The following ANKRD52 variants were observed in gnomAD, a reference collection of about 807,000 sequenced individuals.
The protein encoded by ANKRD52 is serine/threonine-protein phosphatase 6 regulatory ankyrin repeat subunit C.
A neutral mutation model predicts 116.0 loss-of-function variants in ANKRD52; 7 were observed. The observed-to-expected ratio is 0.06, with a 90% CI of 0.03 to 0.11. ANKRD52 has a LOEUF of 0.11. Ranked by LOEUF, ANKRD52 falls within the 10% of genes least tolerant of loss-of-function variation. The pLI, the probability that ANKRD52 is intolerant of heterozygous loss-of-function variation, is 1.00. For synonymous variants in ANKRD52, 528 were observed against 578.1 expected, an observed-to-expected ratio of 0.91 and a Z score of 1.24; for missense variants, 839 against 1,408.6, an observed-to-expected ratio of 0.60 and a Z score of 6.47.
rs1483439048 is a variant in ANKRD52 at position 56,254,753 on chromosome 12, G to A, written c.551-33C>T. ...AAGAGAAGACACTCTAAAGGAAGTA[G>A]AAGGTAAACTCTAAGACCCTACACT... On this transcript the variant is annotated intron_variant, in intron 6 of 27. Coordinates refer to ENST00000267116, the MANE Select transcript of ANKRD52 (RefSeq NM_173595.4). This position sits in a 1 kb window ranked among gnomAD's most constrained non-coding sequence, Gnocchi z 4.6. 9.4e-6 allele frequency: 15 copies of A among 1,600,606 alleles called. No homozygotes were observed. The highest frequency in any genetic ancestry group is 1.3e-5 in the Non-Finnish European group (15 of 1,169,404).
rs1050114627 is a variant in ANKRD52, at chr12:56,242,938, T to C, written c.*204A>G. The C allele has an allele frequency of 3.2e-5, 23 of 709,146 alleles. No homozygotes were observed. Among genetic ancestry groups the C allele is most frequent in the Non-Finnish European group, 4.7e-5 (21 of 447,280 alleles). The allele number at this position is 709,146 out of a possible 1,614,324, so 43.9% of individuals were successfully genotyped here. A position where few individuals can be genotyped will look rare whatever the true frequency, so the allele number is the denominator to read the frequency against. Reference sequence around the variant, plus strand: ...GGTCGCCCTGGGGGTACCAAGGGCCTGGGGTGCTCCCTGTCAGTCCCAGAC... The same window carrying C: ...GGTCGCCCTGGGGGTACCAAGGGCCCGGGGTGCTCCCTGTCAGTCCCAGAC... On this transcript the variant is annotated 3_prime_UTR_variant, in exon 28 of 28. Transcript: ENST00000267116. This position sits in a 1 kb window ranked among gnomAD's most constrained non-coding sequence, Gnocchi z 4.3.
Position 56,248,684 on chromosome 12 carries a change from C to A in ANKRD52, c.1704+75G>T. On this transcript the variant is annotated intron_variant, in intron 16 of 27. Transcript: ENST00000267116. This position sits in a 1 kb window ranked among gnomAD's most constrained non-coding sequence, Gnocchi z 5.1. ...GATCCAAAGACCACATTTGATTGAA[C>A]CCTTAGTTTTGGAATCCACAAACCC... The A allele has an allele frequency of 6.7e-7, 1 of 1,494,488 alleles. No homozygotes were observed. Among genetic ancestry groups the A allele is most frequent in the Non-Finnish European group, 9.2e-7 (1 of 1,092,730 alleles). The allele number at this position is 1,494,488 out of a possible 1,614,324, so 92.6% of individuals were successfully genotyped here. A position where few individuals can be genotyped will look rare whatever the true frequency, so the allele number is the denominator to read the frequency against.
chr12:56,255,649 G>T lies in ANKRD52; in HGVS notation c.462+135C>A. On this transcript the variant is annotated intron_variant, in intron 5 of 27. Coordinates refer to ENST00000267116, the MANE Select transcript of ANKRD52 (RefSeq NM_173595.4). This position sits in a 1 kb window ranked among gnomAD's most constrained non-coding sequence, Gnocchi z 4.3. ...AATCTAGTCTGACCATTCATTTAGT[G>T]CTTCAGCTTAAGTGTTTATATAACC... 1.3e-6 allele frequency: 1 copy of T among 745,284 alleles called. No individual in the cohort carries two copies. The highest frequency in any genetic ancestry group is 2.2e-6 in the Non-Finnish European group (1 of 462,002). 46.2% of individuals were successfully genotyped at this position (745,284 alleles called of 1,614,324 possible).
rs1459557033 is a variant in ANKRD52, at chr12:56,255,773, A to T, written c.462+11T>A. On this transcript the variant is annotated intron_variant, in intron 5 of 27. Transcript: ENST00000267116. This position sits in a 1 kb window ranked among gnomAD's most constrained non-coding sequence, Gnocchi z 4.3. ...AAGCCCCAGCTGGGCCTGGATGGGA[A>T]CAGTCCTCACCTCAAGATGCCCACT... The T allele has an allele frequency of 1.3e-6, 2 of 1,554,830 alleles. No homozygotes were observed. Among genetic ancestry groups the T allele is most frequent in the Non-Finnish European group, 1.7e-6 (2 of 1,143,896 alleles).
In ANKRD52 at chr12:56,244,099, T is replaced by C. The variant is rs1276136353; in HGVS notation, c.2840A>G (p.Glu947Gly). 1 of 1,613,872 alleles carries C rather than the reference T, an allele frequency of 6.2e-7. No homozygotes were observed. Among genetic ancestry groups the C allele is most frequent in the East Asian group, 2.2e-5 (1 of 44,894 alleles). The change falls in exon 26 of 28, where the codon GAA becomes GGA. Residue 947 changes from glutamate (E) to glycine (G), a missense_variant. By Grantham distance (98) the Glu-to-Gly change is moderately conservative. This residue lies in a region of ANKRD52 where 552 missense variants were observed against 810.6 expected (regional missense o/e 0.68). Transcript: ENST00000267116. The surrounding 1 kb of genome is among the most constrained non-coding windows in gnomAD (Gnocchi z 4.9). ...ATTGATAAGGCCAAGGTCTTGGGTT[T>C]CTGCCAGGATCATGAGGGCACATTT... Reference protein sequence around the residue: ...HEKCALMILAETQDLGLINAT... With the variant: ...HEKCALMILAGTQDLGLINAT...
rs1329212412 is a variant in ANKRD52 at position 56,257,924 on chromosome 12, C to T, written c.28-13G>A. 6.2e-7 allele frequency: 1 copy of T among 1,611,808 alleles called. No homozygotes were observed. The highest frequency in any genetic ancestry group is 8.5e-7 in the Non-Finnish European group (1 of 1,179,082). ...GGACCAGGGGCGGCTGCAGAGAGAA[C>T]CGGCATTCTGAGAGCGGGCTGGAGC... On this transcript the variant is annotated splice_polypyrimidine_tract_variant and intron_variant, in intron 1 of 27. Coordinates refer to ENST00000267116, the MANE Select transcript of ANKRD52 (RefSeq NM_173595.4).
rs540619414 is a variant in ANKRD52, at chr12:56,244,288, G to T, written c.2805+65C>A. On this transcript the variant is annotated intron_variant, in intron 25 of 27. Transcript: ENST00000267116. The surrounding 1 kb of genome is among the most constrained non-coding windows in gnomAD (Gnocchi z 4.9). ...TTCTGCCCCAGTCCCCTCTGCAACC[G>T]AGACTTACCTCTCTTCATCAAGCTC... 1.3e-6 allele frequency: 2 copies of T among 1,580,272 alleles called. No homozygotes were observed. Among genetic ancestry groups the T allele is most frequent in the Non-Finnish European group, 1.7e-6 (2 of 1,151,144 alleles).
At position 56,253,988 on chromosome 12, in the gene ANKRD52, G is replaced by T; in HGVS notation, c.906+79C>A. The T allele has an allele frequency of 6.8e-7, 1 of 1,462,976 alleles. No individual in the cohort carries two copies. The allele number at this position is 1,462,976 out of a possible 1,614,324, so 90.6% of individuals were successfully genotyped here. On this transcript the variant is annotated intron_variant, in intron 8 of 27. Transcript: ENST00000267116. This position sits in a 1 kb window ranked among gnomAD's most constrained non-coding sequence, Gnocchi z 5.5. ...AGGAAGCAAGTGGATAATTCCCCAA[G>T]AGAGCTATCCAGATACAGTCAGGAC...
At chr12:56,250,396 C>T (rs1322695298) in intron 15 of ANKRD52, among the ~76,000 whole-genome samples, 4 of 147,446 alleles carry the variant, frequency 2.7e-5, no homozygotes, top group Admixed American at 1.4e-4. Context: ...GACGGGGTCT[C>T]ACTAGGCTGC....
chr12:56,257,811 C>A lies in ANKRD52; in HGVS notation c.111+17G>T. ...GCCAGGATTCCGGTCTCGCCATCCT[C>A]CCTGCTCCCAACTCACCAGCACATT... On this transcript the variant is annotated intron_variant, in intron 2 of 27. Transcript: ENST00000267116. 1.2e-6 allele frequency: 2 copies of A among 1,612,820 alleles called. No homozygotes were observed. The highest frequency in any genetic ancestry group is 1.1e-5 in the South Asian group (1 of 90,728).
At position 56,255,335 on chromosome 12, in the gene ANKRD52, C is replaced by A. The variant is rs1054671107; in HGVS notation, c.463-383G>T. The stretch of plus-strand genomic sequence containing the variant: ...TCTCCCGAGTAGCTGGGACTACAGG[C>A]GGCCGCCACCACACCCGGCTAATTT... On this transcript the variant is annotated intron_variant, in intron 5 of 27. Coordinates refer to ENST00000267116, the MANE Select transcript of ANKRD52 (RefSeq NM_173595.4). This position sits in a 1 kb window ranked among gnomAD's most constrained non-coding sequence, Gnocchi z 4.3. Among the ~76,000 whole-genome samples, 1 of 151,972 alleles carries A rather than the reference C, an allele frequency of 6.6e-6. No individual in the cohort carries two copies. The highest frequency in any genetic ancestry group is 6.6e-5 in the Admixed American group (1 of 15,266).
In ANKRD52 at chr12:56,243,721, AC is replaced by A. The variant is rs1871269304; in HGVS notation, c.2980+63del. 40 of 1,460,580 alleles carry A rather than the reference AC, an allele frequency of 2.7e-5. No homozygotes were observed. The highest frequency in any genetic ancestry group is 4.1e-5 in the Admixed American group (2 of 48,502). 90.5% of individuals were successfully genotyped at this position (1,460,580 alleles called of 1,614,324 possible). On this transcript the variant is annotated intron_variant, in intron 27 of 27. Coordinates refer to ENST00000267116, the MANE Select transcript of ANKRD52 (RefSeq NM_173595.4). The surrounding 1 kb of genome is among the most constrained non-coding windows in gnomAD (Gnocchi z 4.6). ...CCATGTATAGCAAGATTAAGAAGTC[AC>A]CTCCTGAAGAATGTCCCTGACCCCA...
rs556961247 is a variant in ANKRD52, at chr12:56,240,587, G to C, written c.*2555C>G. The C allele has an allele frequency of 6.6e-6, 1 of 151,858 alleles. No individual in the cohort carries two copies. Among genetic ancestry groups the C allele is most frequent in the Non-Finnish European group, 1.5e-5 (1 of 67,966 alleles). The allele number at this position is 151,858 out of a possible 1,614,324, so 9.4% of individuals were successfully genotyped here. A position where few individuals can be genotyped will look rare whatever the true frequency, so the allele number is the denominator to read the frequency against. On this transcript the variant is annotated 3_prime_UTR_variant, in exon 28 of 28. Coordinates refer to ENST00000267116, the MANE Select transcript of ANKRD52 (RefSeq NM_173595.4). The surrounding 1 kb of genome is among the most constrained non-coding windows in gnomAD (Gnocchi z 4.2). Reference sequence around the variant, plus strand: ...TCTCCACACCCGTTTAAGTCAAAGAGGTTTAAAAAAAATCTTAACATTAAA... The same window carrying C: ...TCTCCACACCCGTTTAAGTCAAAGACGTTTAAAAAAAATCTTAACATTAAA...
In ANKRD52 at chr12:56,244,816, G is replaced by C. The variant is rs1424485674; in HGVS notation, c.2577-19C>G. Reference sequence around the variant, plus strand: ...GGGGGTCCTGTAAGGCAGGGATCAGGGTAGATTAAAATAGGGAAGAGTATA... The same window carrying C: ...GGGGGTCCTGTAAGGCAGGGATCAGCGTAGATTAAAATAGGGAAGAGTATA... On this transcript the variant is annotated intron_variant, in intron 23 of 27. Coordinates refer to ENST00000267116, the MANE Select transcript of ANKRD52 (RefSeq NM_173595.4). The surrounding 1 kb of genome is among the most constrained non-coding windows in gnomAD (Gnocchi z 4.9). 6.2e-7 allele frequency: 1 copy of C among 1,613,796 alleles called. No individual in the cohort carries two copies. Among genetic ancestry groups the C allele is most frequent in the South Asian group, 1.1e-5 (1 of 91,080 alleles).
rs1396509307 is a variant in ANKRD52 at position 56,255,397 on chromosome 12, A to G, written c.462+387T>C. On this transcript the variant is annotated intron_variant, in intron 5 of 27. Coordinates refer to ENST00000267116, the MANE Select transcript of ANKRD52 (RefSeq NM_173595.4). This position sits in a 1 kb window ranked among gnomAD's most constrained non-coding sequence, Gnocchi z 4.3. ...AGTAGAGACAGGGTTTCACCATGTTAGCCAGGATGATCTCGATCTCCTGAT... is the reference window on the plus strand; with the variant it reads ...AGTAGAGACAGGGTTTCACCATGTTGGCCAGGATGATCTCGATCTCCTGAT... Among the ~76,000 whole-genome samples, 1 of 152,128 alleles carries G rather than the reference A, an allele frequency of 6.6e-6. No homozygotes were observed. Among genetic ancestry groups the G allele is most frequent in the Non-Finnish European group, 1.5e-5 (1 of 68,018 alleles).
Position 56,248,362 on chromosome 12 carries a change from A to T in ANKRD52, c.1776+133T>A. On this transcript the variant is annotated intron_variant, in intron 17 of 27. Transcript: ENST00000267116. This position sits in a 1 kb window ranked among gnomAD's most constrained non-coding sequence, Gnocchi z 5.1. ...CTCCTTGGGCCCCTTAAGGCTTCCT[A>T]CCCTGCACTGTGCTTATCCCCTCTC... 1 of 1,400,344 alleles carries T rather than the reference A, an allele frequency of 7.1e-7. No homozygotes were observed. Among genetic ancestry groups the T allele is most frequent in the South Asian group, 1.2e-5 (1 of 80,834 alleles). The allele number at this position is 1,400,344 out of a possible 1,614,324, so 86.7% of individuals were successfully genotyped here.
In ANKRD52 at chr12:56,240,646, T is replaced by C. The variant is rs973708794; in HGVS notation, c.*2496A>G. 6 of 152,166 alleles carry C rather than the reference T, an allele frequency of 3.9e-5. No individual in the cohort carries two copies. Among genetic ancestry groups the C allele is most frequent in the African/African-American group, 9.7e-5 (4 of 41,438 alleles). 9.4% of individuals were successfully genotyped at this position (152,166 alleles called of 1,614,324 possible). ...GCAGTGGCCATGAGAATGGTCAAAA[T>C]GCTTCAAAAAACACTAGGGCTGGGG... is the stretch of plus-strand genomic sequence containing the variant. On this transcript the variant is annotated 3_prime_UTR_variant, in exon 28 of 28. Coordinates refer to ENST00000267116, the MANE Select transcript of ANKRD52 (RefSeq NM_173595.4). This position sits in a 1 kb window ranked among gnomAD's most constrained non-coding sequence, Gnocchi z 4.2.
At chr12:56,245,344 G>C (rs1333905290) in intron 21 of ANKRD52, 33 bp downstream of exon 21, 8 of 1,603,588 alleles carry the variant, frequency 5.0e-6, no homozygotes, top group Non-Finnish European at 6.8e-6. Flanking sequence ...TCCAACACAT[G>C]CTCCTGTGCC....
Position 56,258,279 on chromosome 12 carries a change from C to T in ANKRD52, c.-10G>A, listed in dbSNP as rs1478617443. 3 of 1,572,294 alleles carry T rather than the reference C, an allele frequency of 1.9e-6. No homozygotes were observed. The highest frequency in any genetic ancestry group is 1.4e-5 in the African/African-American group (1 of 71,524). On this transcript the variant is annotated 5_prime_UTR_variant, in exon 1 of 28. Transcript: ENST00000267116. Reference sequence around the variant, plus strand: ...TGCTGAGGATCCCCATGGCTCGGCCCGGGCTCCGTCCGCATCGAGCTCCCG... The same window carrying T: ...TGCTGAGGATCCCCATGGCTCGGCCTGGGCTCCGTCCGCATCGAGCTCCCG...
Sources: gnomAD v4.1 joint callset for allele counts (sites outside exome capture counted in the v4.1 genomes callset) on GRCh38, gnomAD v4.1.1 for gene constraint, gnomAD v4.1.1 regional missense constraint, Gnocchi (gnomAD v3.1) non-coding constraint, MANE v1.5 for transcripts, NCBI Gene and HGNC (gene_info 2026-07-23, HGNC 2026-07-21) for gene names.